C9orf50: variants seen among roughly 807,000 people sequenced by gnomAD.
C9orf50 encodes uncharacterized protein C9orf50.
Under a neutral mutation model 42.5 loss-of-function variants are expected in C9orf50, and 33 were observed. That is an observed-to-expected ratio of 0.78 (90% CI 0.59 to 1.04). The LOEUF (loss-of-function observed/expected upper bound fraction) is 1.04, where lower values mean the gene tolerates loss of function less well. Among genes scored for constraint, C9orf50 ranks in the 50% least tolerant of loss-of-function variants. The pLI, the probability that C9orf50 is intolerant of heterozygous loss-of-function variation, is 0.00. For missense variants in C9orf50, 547 were observed against 594.3 expected (o/e 0.92, Z 0.83); for synonymous variants, 257 against 273.4 (o/e 0.94, Z 0.59).
At chr9:129,619,055 G>C (rs1830538352) in intron 3 of C9orf50, among the ~76,000 whole-genome samples, 1 of 152,022 alleles carries the variant, frequency 6.6e-6, no homozygotes, top group Admixed American at 6.6e-5. Context: ...TAGCTGGTTG[G>C]CCAGGTAGAT....
In C9orf50 at chr9:129,619,223, T is replaced by TGAGATGGATGCA. The variant is rs549658275; in HGVS notation, c.716+285_716+296dup. ...GGTTGTAGAAGACTTGGTTCATGGA[T>TGAGATGGATGCA]GAGATGGATGCAAAGATGGATGGGT... On this transcript the variant is annotated intron_variant, in intron 3 of 6. Transcript: ENST00000372478. Among the ~76,000 whole-genome samples, 18 of 152,140 alleles carry TGAGATGGATGCA rather than the reference T, an allele frequency of 1.2e-4. No homozygotes were observed. The South Asian group carries it at 3.1e-3, about 26-fold the overall frequency.
Position 129,620,628 on chromosome 9 carries a change from C to T in C9orf50, c.-54G>A. On this transcript the variant is annotated 5_prime_UTR_variant, in exon 1 of 7. Coordinates refer to ENST00000372478, the Ensembl canonical transcript of C9orf50. The surrounding 1 kb of genome is among the most constrained non-coding windows in gnomAD (Gnocchi z 5.8). ...CCTCAGCGCGCGTGGGTGGGGGGCGCCGGCTGAGGTGGGGAGGGCATAGTC... is the reference window on the plus strand; with the variant it reads ...CCTCAGCGCGCGTGGGTGGGGGGCGTCGGCTGAGGTGGGGAGGGCATAGTC... 1 of 1,283,946 alleles carries T rather than the reference C, an allele frequency of 7.8e-7. No individual in the cohort carries two copies. Among genetic ancestry groups the T allele is most frequent in the East Asian group, 3.0e-5 (1 of 33,858 alleles). The allele number at this position is 1,283,946 out of a possible 1,614,324, so 79.5% of individuals were successfully genotyped here.
chr9:129,613,013 C>T lies in C9orf50; in HGVS notation c.1188+94G>A. On this transcript the variant is annotated intron_variant, in intron 6 of 6. Coordinates refer to ENST00000372478, the Ensembl canonical transcript of C9orf50. The surrounding 1 kb of genome is among the most constrained non-coding windows in gnomAD (Gnocchi z 6.2). ...GCTCTCAGGGAGGGTCCACTCCCAGCCCCAGCCACTCCACCAAACAGGGCT... is the reference window on the plus strand; with the variant it reads ...GCTCTCAGGGAGGGTCCACTCCCAGTCCCAGCCACTCCACCAAACAGGGCT... 1 of 1,527,606 alleles carries T rather than the reference C, an allele frequency of 6.5e-7. No homozygotes were observed. The highest frequency in any genetic ancestry group is 8.9e-7 in the Non-Finnish European group (1 of 1,126,662). 94.6% of individuals were successfully genotyped at this position (1,527,606 alleles called of 1,614,324 possible).
intron 6 of C9orf50, 143 bp from the exon 7 acceptor site, chr9:129,612,597 G>T: frequency 1.5e-6 from 1 of 660,298 alleles, no homozygotes; most frequent in African/African-American, 1.8e-5. Context: ...CAAATGCAAG[G>T]TCAAGCACGG....
In C9orf50 at chr9:129,614,672, G is replaced by T. The variant is rs1588112108; in HGVS notation, c.880+812C>A. On this transcript the variant is annotated intron_variant, in intron 4 of 6. Transcript: ENST00000372478. This position sits in a 1 kb window ranked among gnomAD's most constrained non-coding sequence, Gnocchi z 4.4. ...TAATCCCAGCACTTTGGGAGGCAGA[G>T]GCAGGTGGATCCCTGAGGTCAGGAG... Among the ~76,000 whole-genome samples, 1 of 152,328 alleles carries T rather than the reference G, an allele frequency of 6.6e-6. No individual in the cohort carries two copies. The highest frequency in any genetic ancestry group is 1.9e-4 in the East Asian group (1 of 5,176).
rs115903740 is a variant in C9orf50, at chr9:129,612,848, G to A, written c.1188+259C>T. Among the ~76,000 whole-genome samples the A allele has an allele frequency of 7.7e-3, 1,168 of 152,196 alleles. 17 individuals carry two copies. Among genetic ancestry groups the A allele is most frequent in the African/African-American group, 0.027 (1,120 of 41,542 alleles). ...CTGTCTCAAAAAAGCAAAGAGAGGA[G>A]AGGGGAGGGGAGGGGAGATGCAGAA... is the stretch of plus-strand genomic sequence containing the variant. On this transcript the variant is annotated intron_variant, in intron 6 of 6. Coordinates refer to ENST00000372478, the Ensembl canonical transcript of C9orf50.
chr9:129,620,028 A>G lies in C9orf50; in HGVS notation c.508+39T>C. 1 of 1,456,742 alleles carries G rather than the reference A, an allele frequency of 6.9e-7. No homozygotes were observed. 90.2% of individuals were successfully genotyped at this position (1,456,742 alleles called of 1,614,324 possible). On this transcript the variant is annotated intron_variant, in intron 1 of 6. Transcript: ENST00000372478. The surrounding 1 kb of genome is among the most constrained non-coding windows in gnomAD (Gnocchi z 5.8). Reference sequence around the variant, plus strand: ...CACAAGGGACCACCCCCCACCGGAAATGACTCGGGCCCGCCCCCCGGGCCC... The same window carrying G: ...CACAAGGGACCACCCCCCACCGGAAGTGACTCGGGCCCGCCCCCCGGGCCC...
rs1021376775 is a variant in C9orf50 at position 129,613,755 on chromosome 9, T to A, written c.881-158A>T. 5.3e-5 allele frequency among the ~76,000 whole-genome samples: 8 copies of A among 152,152 alleles called. No homozygotes were observed. The highest frequency in any genetic ancestry group is 1.9e-4 in the African/African-American group (8 of 41,450). On this transcript the variant is annotated intron_variant, in intron 4 of 6. Coordinates refer to ENST00000372478, the Ensembl canonical transcript of C9orf50. The surrounding 1 kb of genome is among the most constrained non-coding windows in gnomAD (Gnocchi z 6.2). ...CTTCTGGCTGCCTCCAGAGAAGCCT[T>A]GGGTTTTAAAACCACCTTGCGTGAC... is the stretch of plus-strand genomic sequence containing the variant.
chr9:129,618,537 G>A (rs1434435600), intron 3 of C9orf50, among the ~76,000 whole-genome samples: 3 of 152,086 alleles, frequency 2.0e-5, no homozygotes, highest in East Asian at 3.9e-4. Flanking sequence ...ATGTAGATGG[G>A]TATGTAGGTT....
chr9:129,612,721 T>C (rs1354375375), intron 6 of C9orf50, among the ~76,000 whole-genome samples: 1 of 151,880 alleles, frequency 6.6e-6, no homozygotes, highest in Non-Finnish European at 1.5e-5. Flanking sequence ...CTACCGAAAA[T>C]ACAAAAATTA....
chr9:129,619,378 T>C, intron 3 of C9orf50, 142 bp downstream of exon 3: 1 of 682,156 alleles, frequency 1.5e-6, no homozygotes, highest in Non-Finnish European at 2.6e-6. Flanking sequence ...GAAGATCTGA[T>C]TCACGGACAG....
intron 4 of C9orf50, among the ~76,000 whole-genome samples, chr9:129,615,041 G>A (rs79999548): frequency 0.18 from 27,984 of 152,206 alleles, 3,003 homozygotes; most frequent in East Asian, 0.3. Flanking sequence ...TCCGCTTCGC[G>A]GCTTTTCTGG....
chr9:129,612,321 G>A, exon 7 of C9orf50: 1 of 1,588,392 alleles, frequency 6.3e-7, no homozygotes, highest in Non-Finnish European at 8.6e-7. Flanking sequence ...GCCCATGTGT[G>A]CCCCTGGCCT....
chr9:129,618,654 G>C (rs1830508239), intron 3 of C9orf50, among the ~76,000 whole-genome samples: 1 of 152,052 alleles, frequency 6.6e-6, no homozygotes, highest in Non-Finnish European at 1.5e-5. Flanking sequence ...TGGATGGATA[G>C]AAGTGTGGGA....
At chr9:129,612,504 G>C in intron 6 of C9orf50, 50 bp from the exon 7 acceptor site, 1 of 1,438,914 alleles carries the variant, frequency 6.9e-7, no homozygotes, top group East Asian at 2.4e-5. Context: ...CTCGGGGCAG[G>C]GGACTGGGCT....
chr9:129,617,060 C>T (rs915081731), intron 3 of C9orf50, among the ~76,000 whole-genome samples: 4 of 146,724 alleles, frequency 2.7e-5, no homozygotes, highest in Non-Finnish European at 4.5e-5. Flanking sequence ...AGTGAGACTT[C>T]GTCTCAAAAA....
chr9:129,619,704 A>C, intron 2 of C9orf50, 36 bp downstream of exon 2: 1 of 1,612,356 alleles, frequency 6.2e-7, no homozygotes, highest in Non-Finnish European at 8.5e-7. Flanking sequence ...CATCGATGGC[A>C]ACCCCGTCCC....
chr9:129,616,836 TGGGAGGCA>T, intron 3 of C9orf50, among the ~76,000 whole-genome samples: 1 of 152,278 alleles, frequency 6.6e-6, no homozygotes, highest in East Asian at 1.9e-4. Flanking sequence ...CCCAGCACTT[TGGGAGGCA>T]GGCAGATCAA....
chr9:129,615,452 G>A (rs766786474), intron 4 of C9orf50, 32 bp downstream of exon 4: 1 of 1,529,954 alleles, frequency 6.5e-7, no homozygotes, highest in Non-Finnish European at 8.8e-7. Context: ...GAACTTTCGG[G>A]AGTCTCGAGG....
Sources: allele counts gnomAD v4.1 joint callset (sites outside exome capture counted in the v4.1 genomes callset), GRCh38; gene constraint gnomAD v4.1.1; non-coding constraint Gnocchi (gnomAD v3.1); transcripts MANE v1.5; gene names NCBI Gene and HGNC (gene_info 2026-07-23, HGNC 2026-07-21).